The following SFI1 variants were observed in gnomAD, a reference collection of about 807,000 sequenced individuals.
SFI1 encodes the protein SFI1 centrin binding protein, also known as protein SFI1 homolog.
SFI1 carries 195 observed loss-of-function variants against 207.5 expected under a neutral mutation model. The ratio of observed to expected loss-of-function variants is 0.94; its 90% CI spans 0.84 to 1.06. The LOEUF is 1.06. SFI1 is among the 50% of genes least tolerant of loss of function. The pLI, the probability that SFI1 is intolerant of heterozygous loss-of-function variation, is 0.00. For synonymous variants in SFI1, 630 were observed against 598.9 expected (o/e 1.05, Z -0.76); for missense variants, 1,634 against 1,588.0 (o/e 1.03, Z -0.49).
At chr22:31,600,082 C>G (rs1234059542) in intron 15 of SFI1, among the ~76,000 whole-genome samples, 1 of 151,786 alleles carries the variant, frequency 6.6e-6, no homozygotes, top group Non-Finnish European at 1.5e-5. Context: ...GAGACGAGGT[C>G]TCACTATGCT....
chr22:31,585,824 G>A (rs553713751), intron 14 of SFI1, among the ~76,000 whole-genome samples: 1 of 152,168 alleles, frequency 6.6e-6, no homozygotes, highest in Admixed American at 6.5e-5. Flanking sequence ...GTGGGAAAGG[G>A]TTCAGTTGAT....
Position 31,528,678 on chromosome 22 carries a change from C to T in SFI1, c.93-12C>T. On this transcript the variant is annotated splice_polypyrimidine_tract_variant and intron_variant, in intron 2 of 32. Coordinates refer to ENST00000400288, the MANE Select transcript of SFI1 (RefSeq NM_001007467.3). ...TTATTCTCTCCTTGCCTCTTTCGTC[C>T]TCAAATTTAAGGTATTTTAAGGATG... 9 of 1,609,868 alleles carry T rather than the reference C, an allele frequency of 5.6e-6. No individual in the cohort carries two copies. The highest frequency in any genetic ancestry group is 7.6e-6 in the Non-Finnish European group (9 of 1,177,548).
At chr22:31,579,489 G>A (rs1174676406) in intron 11 of SFI1, among the ~76,000 whole-genome samples, 1 of 151,982 alleles carries the variant, frequency 6.6e-6, no homozygotes, top group Non-Finnish European at 1.5e-5. Flanking sequence ...CTAATTTTTT[G>A]TATGTTTAAT....
chr22:31,613,700 C>G lies in SFI1; in HGVS notation c.2841C>G (p.Ile947Met). The G allele has an allele frequency of 6.2e-7, 1 of 1,612,252 alleles. No individual in the cohort carries two copies. The highest frequency in any genetic ancestry group is 2.2e-5 in the East Asian group (1 of 44,866). Residue 947 changes from isoleucine to methionine, a missense_variant, in exon 27 of 33, where the codon ATC becomes ATG. Ile to Met is a conservative substitution (Grantham distance 10). Transcript: ENST00000400288. ...GGAAGCCTCAGCCCCTGGCAGCCAT[C>G]GCACCCAGCAGGAAAGTGACGTTTG... ...RGGKPQPLAA[I>M]APSRKVTFEG...
chr22:31,601,904 C>T (rs762023040), intron 15 of SFI1, among the ~76,000 whole-genome samples: 1 of 151,980 alleles, frequency 6.6e-6, no homozygotes, highest in Admixed American at 6.6e-5. Flanking sequence ...GCGATCCCCC[C>T]ACCTCAGCCT....
chr22:31,530,203 A>AAAAAT lies in SFI1; in HGVS notation c.267-855_267-854insAAAAT, dbSNP rs1569227870. 8.0e-4 allele frequency among the ~76,000 whole-genome samples: 102 copies of AAAAAT among 127,810 alleles called. 5 individuals carry two copies. Among genetic ancestry groups the AAAAAT allele is most frequent in the African/African-American group, 2.7e-3 (90 of 33,008 alleles). 83.8% of individuals were successfully genotyped at this position (127,810 alleles called of 152,430 possible). A position where few individuals can be genotyped will look rare whatever the true frequency, so the allele number is the denominator to read the frequency against. ...AAAAAAAAAAAAAAAAAAAAAAAAA[A>AAAAAT]GACAAGGCCGGGCGCGGTGGCTCAC... On this transcript the variant is annotated intron_variant, in intron 3 of 32. Transcript: ENST00000400288.
At chr22:31,608,647 TAAAG>T (rs66491767) in intron 22 of SFI1, among the ~76,000 whole-genome samples, 42,241 of 151,586 alleles carry the variant, frequency 0.28, 6,366 homozygotes, top group East Asian at 0.43. Context: ...TACAGAGAAA[TAAAG>T]AAAAGAAGCT....
At chr22:31,593,328 C>A (rs1399126396) in intron 15 of SFI1, among the ~76,000 whole-genome samples, 4 of 136,220 alleles carry the variant, frequency 2.9e-5, no homozygotes, top group East Asian at 2.3e-4. Context: ...GGGTCTCGGC[C>A]GGGCAGAGGC....
rs774497415 is a variant in SFI1 at position 31,613,800 on chromosome 22, C to T, written c.2941C>T (p.Arg981Trp). 1.4e-5 allele frequency: 22 copies of T among 1,611,378 alleles called. No homozygotes were observed. The highest frequency in any genetic ancestry group is 3.3e-5 in the South Asian group (3 of 90,742). Residue 981 changes from arginine to tryptophan, a missense_variant, in exon 27 of 33, where the codon CGG becomes TGG. By Grantham distance (101) the Arg-to-Trp change is moderately radical (BLOSUM62 -3). Transcript: ENST00000400288. ...TGAGACCAAGAGGCCACAGGCTTCT[C>T]GGCCTCTGGGAGCTCTGGGCCGCCT... is the stretch of plus-strand genomic sequence containing the variant. ...TLETKRPQAS[R>W]PLGALGRLAA... is the part of the protein sequence containing the mutation.
chr22:31,502,338 A>G (rs527729830), intron 1 of SFI1, among the ~76,000 whole-genome samples: 1 of 151,982 alleles, frequency 6.6e-6, no homozygotes, highest in Admixed American at 6.6e-5. Context: ...GACTTACTGT[A>G]CTTAGTTCTA....
At chr22:31,556,716 A>C (rs190146250) in intron 6 of SFI1, among the ~76,000 whole-genome samples, 39 of 152,358 alleles carry the variant, frequency 2.6e-4, no homozygotes, top group Non-Finnish European at 5.0e-4. Flanking sequence ...GCAGTTCAGT[A>C]CATGGGTTTT....
chr22:31,559,470 T>C, intron 7 of SFI1: 1 of 462,426 alleles, frequency 2.2e-6, no homozygotes, highest in Admixed American at 2.8e-5. Context: ...ACACCGCCAG[T>C]TGTGTTCCTG....
chr22:31,538,115 G>A (rs936221325), intron 4 of SFI1, among the ~76,000 whole-genome samples: 12 of 152,116 alleles, frequency 7.9e-5, no homozygotes, highest in African/African-American at 2.9e-4. Context: ...GGGACCACAG[G>A]CATGCGCCAC....
chr22:31,611,609 G>A (rs1287000645), intron 23 of SFI1, among the ~76,000 whole-genome samples, 157 bp from the exon 24 acceptor site: 1 of 152,190 alleles, frequency 6.6e-6, no homozygotes, highest in Non-Finnish European at 1.5e-5. Flanking sequence ...TCCTCTAGGC[G>A]GCACTCCCTG....
intron 1 of SFI1, among the ~76,000 whole-genome samples, chr22:31,497,933 AAC>A (rs1350069770): frequency 2.0e-4 from 31 of 152,362 alleles, no homozygotes; most frequent in African/African-American, 6.7e-4. Context: ...CATGTCTGCT[AAC>A]ACAGTATGCA....
chr22:31,511,464 GTTTTT>G lies in SFI1; in HGVS notation c.92+3106_92+3110del, dbSNP rs758898165. ...GGCCTCTAACTCTGGCATAGTTTCT[GTTTTT>G]TTTTTTTTTTTTTTTTTGAGATGGA... On this transcript the variant is annotated intron_variant, in intron 2 of 32. Transcript: ENST00000400288. 2.4e-3 allele frequency among the ~76,000 whole-genome samples: 280 copies of G among 114,462 alleles called. 1 individual carries two copies. Among genetic ancestry groups the G allele is most frequent in the Middle Eastern group, 9.4e-3 (2 of 212 alleles). The allele number at this position is 114,462 out of a possible 152,430, so 75.1% of individuals were successfully genotyped here. A position where few individuals can be genotyped will look rare whatever the true frequency, so the allele number is the denominator to read the frequency against.
At chr22:31,561,765 T>C (rs2061727858) in intron 8 of SFI1, among the ~76,000 whole-genome samples, 2 of 152,252 alleles carry the variant, frequency 1.3e-5, no homozygotes, top group Non-Finnish European at 2.9e-5. Context: ...AAAGAAAACC[T>C]GTCTTCCTTT....
chr22:31,498,860 CTTTTT>C (rs60377913), intron 1 of SFI1, among the ~76,000 whole-genome samples: 1 of 134,832 alleles, frequency 7.4e-6, no homozygotes, highest in Non-Finnish European at 1.6e-5. Context: ...TTCTTTTTTT[CTTTTT>C]TTTTTTTTTT....
At chr22:31,506,313 G>C (rs1001692552) in intron 1 of SFI1, among the ~76,000 whole-genome samples, 1 of 152,154 alleles carries the variant, frequency 6.6e-6, no homozygotes, top group East Asian at 1.9e-4. Context: ...CTCCCAAAGG[G>C]CTGGGATTAC....
Sources: gnomAD v4.1 joint callset for allele counts (sites outside exome capture counted in the v4.1 genomes callset) on GRCh38, gnomAD v4.1.1 for gene constraint, MANE v1.5 for transcripts, NCBI Gene and HGNC (gene_info 2026-07-23, HGNC 2026-07-21) for gene names.